Variants in CTNND2 observed in about 807,000 individuals in gnomAD.
CTNND2 encodes the protein catenin delta-2.
Under a neutral mutation model 144.4 loss-of-function variants are expected in CTNND2, and 22 were observed. That is an observed-to-expected ratio of 0.15 (90% CI 0.11 to 0.22). The LOEUF (loss-of-function observed/expected upper bound fraction) is 0.22. Ranked by LOEUF, CTNND2 falls within the 10% of genes least tolerant of loss-of-function variation. The pLI, the probability that CTNND2 is intolerant of heterozygous loss-of-function variation, is 1.00. For missense variants in CTNND2, 1,353 were observed against 1,618.8 expected, an observed-to-expected ratio of 0.84 and a Z score of 2.82; for synonymous variants, 751 against 695.6, an observed-to-expected ratio of 1.08 and a Z score of -1.25.
chr5:11,467,426 C>T (rs139964100), intron 3 of CTNND2, among the ~76,000 whole-genome samples: 2 of 152,176 alleles, frequency 1.3e-5, no homozygotes, highest in Non-Finnish European at 2.9e-5. Flanking sequence ...AAGGTCCCTG[C>T]CATTTTTGAG....
At chr5:11,321,500 T>C (rs1454963519) in intron 9 of CTNND2, among the ~76,000 whole-genome samples, 2 of 152,162 alleles carry the variant, frequency 1.3e-5, no homozygotes, top group African/African-American at 2.4e-5. Flanking sequence ...TGCCTGCACA[T>C]ATTGCTATTT....
At chr5:11,133,226 C>CT (rs576459094) in intron 12 of CTNND2, among the ~76,000 whole-genome samples, 209 of 150,874 alleles carry the variant, frequency 1.4e-3, no homozygotes, top group African/African-American at 4.4e-3. Context: ...ATTATTTAGC[C>CT]TTTTTTTTTC....
chr5:11,046,787 T>C (rs1049718706), intron 16 of CTNND2, among the ~76,000 whole-genome samples: 1 of 152,184 alleles, frequency 6.6e-6, no homozygotes, highest in Admixed American at 6.5e-5. Flanking sequence ...CCATCATCAC[T>C]GTCACTACCA....
intron 5 of CTNND2, among the ~76,000 whole-genome samples, chr5:11,404,606 T>TA: frequency 1.3e-5 from 1 of 74,518 alleles, no homozygotes; most frequent in Non-Finnish European, 2.2e-5. Context: ...TGTATTCTTT[T>TA]TTTTTTTTTT....
intron 8 of CTNND2, among the ~76,000 whole-genome samples, chr5:11,350,465 G>A (rs1561261289): frequency 6.6e-6 from 1 of 151,928 alleles, no homozygotes; most frequent in Admixed American, 6.5e-5. Context: ...TGAAATCTAA[G>A]ATGAGAAACA....
intron 21 of CTNND2, among the ~76,000 whole-genome samples, chr5:10,979,121 G>T (rs897284844): frequency 2.0e-5 from 3 of 152,134 alleles, no homozygotes; most frequent in Non-Finnish European, 4.4e-5. Flanking sequence ...CACTCTTGGC[G>T]GCAAAATCAT....
At chr5:11,660,178 A>G (rs1222914261) in intron 2 of CTNND2, among the ~76,000 whole-genome samples, 3 of 152,142 alleles carry the variant, frequency 2.0e-5, no homozygotes, top group Admixed American at 2.0e-4. Flanking sequence ...AGATGTCCAT[A>G]GGCAGACCAG....
chr5:11,788,968 G>A (rs1462278017), intron 1 of CTNND2, among the ~76,000 whole-genome samples: 1 of 151,906 alleles, frequency 6.6e-6, no homozygotes, highest in Non-Finnish European at 1.5e-5. Context: ...TGAGAATGAT[G>A]GTTTCCAACT....
At chr5:11,222,699 G>C (rs1739918899) in intron 10 of CTNND2, among the ~76,000 whole-genome samples, 1 of 152,150 alleles carries the variant, frequency 6.6e-6, no homozygotes, top group Admixed American at 6.5e-5. Flanking sequence ...CCAGCTCCTT[G>C]GATGGCCAAA....
At chr5:11,543,999 G>A (rs1774988801) in intron 3 of CTNND2, among the ~76,000 whole-genome samples, 2 of 152,288 alleles carry the variant, frequency 1.3e-5, no homozygotes, top group South Asian at 4.1e-4. Flanking sequence ...AAATGCCTCA[G>A]TGAGCAGGCT....
At chr5:10,976,784 T>G (rs1010454532) in intron 21 of CTNND2, among the ~76,000 whole-genome samples, 1 of 152,242 alleles carries the variant, frequency 6.6e-6, no homozygotes. Flanking sequence ...GGATTTATTT[T>G]GAACACAAGG....
intron 1 of CTNND2, among the ~76,000 whole-genome samples, chr5:11,798,259 CAAAAAAAA>C (rs78238644): frequency 9.9e-5 from 6 of 60,464 alleles, no homozygotes; most frequent in African/African-American, 3.6e-4. Context: ...GAGACTGTTT[CAAAAAAAA>C]AAAAAAAAAA....
rs773477113 is a variant in CTNND2 at position 11,098,764 on chromosome 5, CAA to C, written c.2464-18_2464-17del. On this transcript the variant is annotated splice_polypyrimidine_tract_variant and intron_variant, in intron 14 of 21. Transcript: ENST00000304623. ...CTCCATCCCACTGGCGGAAGAAAAA[CAA>C]GAGAGCAAACATCTTTAACATCTTT... The C allele has an allele frequency of 8.7e-6, 14 of 1,610,550 alleles. No homozygotes were observed. Among genetic ancestry groups the C allele is most frequent in the Non-Finnish European group, 1.2e-5 (14 of 1,178,554 alleles).
chr5:11,649,854 C>T (rs915762593), intron 2 of CTNND2, among the ~76,000 whole-genome samples: 6 of 152,154 alleles, frequency 3.9e-5, no homozygotes, highest in African/African-American at 7.2e-5. Flanking sequence ...CTAAGTCTCA[C>T]GATGACCATA....
At chr5:11,105,745 C>T (rs969851193) in intron 14 of CTNND2, among the ~76,000 whole-genome samples, 1 of 152,106 alleles carries the variant, frequency 6.6e-6, no homozygotes, top group Non-Finnish European at 1.5e-5. Context: ...TAATGGCAGA[C>T]GAGAGTTGCT....
intron 10 of CTNND2, among the ~76,000 whole-genome samples, chr5:11,207,578 G>A (rs1007830205): frequency 5.3e-5 from 8 of 151,978 alleles, no homozygotes; most frequent in Admixed American, 2.6e-4. Context: ...CTGATCTTTC[G>A]GCTTTTTTTG....
chr5:11,335,888 C>T (rs1244112665), intron 9 of CTNND2, among the ~76,000 whole-genome samples: 1 of 152,056 alleles, frequency 6.6e-6, no homozygotes, highest in African/African-American at 2.4e-5. Context: ...TTTGGAAATT[C>T]ACTTTAGCCT....
At chr5:11,141,130 T>A (rs1756683891) in intron 12 of CTNND2, among the ~76,000 whole-genome samples, 1 of 152,006 alleles carries the variant, frequency 6.6e-6, no homozygotes, top group African/African-American at 2.4e-5. Flanking sequence ...AATTTTTTAT[T>A]TTTTGTAGAG....
chr5:10,979,822 A>C (rs1736988770), intron 21 of CTNND2, among the ~76,000 whole-genome samples: 1 of 152,226 alleles, frequency 6.6e-6, no homozygotes, highest in African/African-American at 2.4e-5. Flanking sequence ...CCTATTTAAT[A>C]AATGTTGTTG....
Sources: gnomAD v4.1 joint callset for allele counts (sites outside exome capture counted in the v4.1 genomes callset) on GRCh38, gnomAD v4.1.1 for gene constraint, MANE v1.5 for transcripts, NCBI Gene and HGNC (gene_info 2026-07-23, HGNC 2026-07-21) for gene names.